The following SAMMSON variants were observed in gnomAD, a reference collection of about 807,000 sequenced individuals.
SAMMSON encodes long intergenic non-protein coding RNA 1212.
chr3:70,021,274 A>AT (rs1431608548), intron 3 of SAMMSON, among the ~76,000 whole-genome samples: 70 of 152,048 alleles, frequency 4.6e-4, no homozygotes, highest in African/African-American at 1.6e-3. Flanking sequence ...GTTAAAATAT[A>AT]TTTTTTCATA....
At chr3:70,036,521 A>G (rs2067085718) in intron 3 of SAMMSON, among the ~76,000 whole-genome samples, 1 of 152,190 alleles carries the variant, frequency 6.6e-6, no homozygotes, top group South Asian at 2.1e-4. Context: ...ATATAACCCA[A>G]TTCTGACCAA....
intron 4 of SAMMSON, among the ~76,000 whole-genome samples, chr3:70,113,999 G>T (rs997309989): frequency 6.6e-6 from 1 of 152,190 alleles, no homozygotes; most frequent in Non-Finnish European, 1.5e-5. Context: ...AATATCTGTT[G>T]TTTAAGCCAT....
At chr3:70,368,281 A>G (rs1402425778) in intron 9 of SAMMSON, among the ~76,000 whole-genome samples, 2 of 151,542 alleles carry the variant, frequency 1.3e-5, no homozygotes, top group Non-Finnish European at 3.0e-5. Flanking sequence ...GATATTTGTG[A>G]AGGTTTTTAA....
At chr3:70,178,972 G>A (rs1355867970) in intron 4 of SAMMSON, among the ~76,000 whole-genome samples, 3 of 152,138 alleles carry the variant, frequency 2.0e-5, no homozygotes. Context: ...CTGCACTCCA[G>A]CCTGGGTGGC....
chr3:70,018,478 T>C (rs1463272518), intron 3 of SAMMSON, among the ~76,000 whole-genome samples: 4 of 152,190 alleles, frequency 2.6e-5, no homozygotes, highest in African/African-American at 4.8e-5. Context: ...TCTTTTCTTC[T>C]TTATTAGTCT....
At chr3:70,008,827 T>C (rs887563373) in intron 1 of SAMMSON, among the ~76,000 whole-genome samples, 6 of 152,206 alleles carry the variant, frequency 3.9e-5, no homozygotes, top group Non-Finnish European at 8.8e-5. Flanking sequence ...ATACCTAATT[T>C]ATTGATAGTT....
intron 4 of SAMMSON, among the ~76,000 whole-genome samples, chr3:70,120,912 G>A (rs2106666805): frequency 6.6e-6 from 1 of 152,256 alleles, no homozygotes; most frequent in Middle Eastern, 3.4e-3. Context: ...CATTTATTGT[G>A]CAATTCATTT....
intron 3 of SAMMSON, among the ~76,000 whole-genome samples, chr3:70,018,010 A>G (rs2066993529): frequency 6.6e-6 from 1 of 152,144 alleles, no homozygotes; most frequent in Admixed American, 6.5e-5. Context: ...GGATTTTTGC[A>G]TCGATGTTCA....
chr3:70,196,615 G>A (rs1701183494), intron 4 of SAMMSON, among the ~76,000 whole-genome samples: 3 of 152,106 alleles, frequency 2.0e-5, no homozygotes, highest in African/African-American at 4.8e-5. Context: ...GTGCAATAAC[G>A]CAGTGGCTTA....
At chr3:70,303,730 G>A (rs1182299882) in intron 7 of SAMMSON, among the ~76,000 whole-genome samples, 1 of 152,120 alleles carries the variant, frequency 6.6e-6, no homozygotes, top group Non-Finnish European at 1.5e-5. Context: ...TGCCCAGGCT[G>A]AAGTGCAGTG....
intron 3 of SAMMSON, among the ~76,000 whole-genome samples, chr3:70,021,044 T>G (rs959850130): frequency 7.9e-5 from 12 of 152,090 alleles, no homozygotes; most frequent in Admixed American, 7.2e-4. Flanking sequence ...AAGAACGGAG[T>G]TAAATGTTGG....
At chr3:70,399,384 A>G (rs952146060) in intron 2 of SAMMSON, among the ~76,000 whole-genome samples, 2 of 152,198 alleles carry the variant, frequency 1.3e-5, no homozygotes, top group African/African-American at 4.8e-5. Flanking sequence ...TATCATGTCA[A>G]TAAACTGTAT....
At chr3:70,073,600 CT>C (rs932322514) in intron 4 of SAMMSON, among the ~76,000 whole-genome samples, 4 of 151,930 alleles carry the variant, frequency 2.6e-5, no homozygotes, top group African/African-American at 9.7e-5. Context: ...TTTCTTCCCT[CT>C]TTTTCCTCTT....
intron 7 of SAMMSON, among the ~76,000 whole-genome samples, chr3:70,324,328 G>A (rs528304004): frequency 1.3e-5 from 2 of 152,178 alleles, no homozygotes; most frequent in East Asian, 3.9e-4. Flanking sequence ...GTTATGCACT[G>A]CCTGGGAATC....
chr3:70,330,532 GA>G (rs1702614729), intron 7 of SAMMSON, among the ~76,000 whole-genome samples: 1 of 151,860 alleles, frequency 6.6e-6, no homozygotes, highest in Admixed American at 6.6e-5. Flanking sequence ...GGAAGGAGAG[GA>G]AAAACTCAAT....
chr3:70,338,302 A>C (rs1345571583), intron 7 of SAMMSON, among the ~76,000 whole-genome samples: 1 of 152,004 alleles, frequency 6.6e-6, no homozygotes, highest in Non-Finnish European at 1.5e-5. Context: ...TACTATATTC[A>C]AAAGCAAACA....
chr3:70,325,830 G>A (rs146987003), intron 7 of SAMMSON, among the ~76,000 whole-genome samples: 3 of 152,228 alleles, frequency 2.0e-5, no homozygotes, highest in Admixed American at 1.3e-4. Context: ...AGTCTTGTCT[G>A]AACTACCAGG....
chr3:70,294,270 A>G (rs574866168), intron 7 of SAMMSON, among the ~76,000 whole-genome samples: 3,025 of 152,242 alleles, frequency 0.02, 35 homozygotes, highest in Non-Finnish European at 0.03. Context: ...TTTATAAAAC[A>G]TTTTCTTTTT....
intron 7 of SAMMSON, among the ~76,000 whole-genome samples, chr3:70,343,549 C>A (rs550385502): frequency 1.3e-5 from 2 of 152,240 alleles, no homozygotes; most frequent in East Asian, 1.9e-4. Context: ...ACCACAGAGG[C>A]ACAGTGTGAT....
Sources: allele counts gnomAD v4.1 joint callset (sites outside exome capture counted in the v4.1 genomes callset), GRCh38; gene constraint gnomAD v4.1.1; transcripts MANE v1.5; gene names NCBI Gene and HGNC (gene_info 2026-07-23, HGNC 2026-07-21).